Variants in SLC2A13 observed in about 807,000 individuals in gnomAD.
The protein encoded by SLC2A13 is proton myo-inositol cotransporter.
In SLC2A13, 32 loss-of-function variants were observed where a neutral mutation model predicts 64.4. That is an observed-to-expected ratio of 0.50 (90% CI 0.37 to 0.67). SLC2A13 has a LOEUF of 0.67. Among genes scored for constraint, SLC2A13 ranks in the 30% least tolerant of loss-of-function variants. The pLI, the probability that SLC2A13 is intolerant of heterozygous loss-of-function variation, is 0.00. For synonymous variants in SLC2A13, 338 were observed against 327.1 expected (o/e 1.03, Z -0.36); for missense variants, 743 against 829.2 (o/e 0.90, Z 1.28).
rs940423313 is a variant in SLC2A13, at chr12:39,979,319, T to C, written c.926-27954A>G. 2.0e-3 allele frequency among the ~76,000 whole-genome samples: 303 copies of C among 148,818 alleles called. 5 individuals carry two copies. The highest frequency in any genetic ancestry group is 0.019 in the Admixed American group (280 of 14,926). ...TCACCAGCAACGGAACAAAGCTGGATGGAGAATGATTTTGATGAGCTGAGA... is the reference window on the plus strand; with the variant it reads ...TCACCAGCAACGGAACAAAGCTGGACGGAGAATGATTTTGATGAGCTGAGA... On this transcript the variant is annotated intron_variant, in intron 3 of 9. Transcript: ENST00000280871.
intron 3 of SLC2A13, among the ~76,000 whole-genome samples, chr12:39,959,987 C>T (rs1946381307): frequency 1.3e-5 from 2 of 152,140 alleles, no homozygotes; most frequent in Admixed American, 1.3e-4. Flanking sequence ...ACCTGGCCCC[C>T]AGACAGGCCC....
At chr12:39,892,342 G>A (rs1311124800) in intron 4 of SLC2A13, among the ~76,000 whole-genome samples, 1 of 152,106 alleles carries the variant, frequency 6.6e-6, no homozygotes, top group Non-Finnish European at 1.5e-5. Context: ...GTGTGTGTGT[G>A]TTTCTTTATT....
intron 3 of SLC2A13, among the ~76,000 whole-genome samples, chr12:39,979,228 CAG>C (rs1252525631): frequency 8.3e-6 from 1 of 120,172 alleles, no homozygotes; most frequent in Non-Finnish European, 1.8e-5. Context: ...GGGGAAAAAA[CAG>C]AACAGAAAAA....
intron 4 of SLC2A13, among the ~76,000 whole-genome samples, chr12:39,874,708 T>C (rs1944139631): frequency 6.6e-6 from 1 of 151,692 alleles, no homozygotes; most frequent in South Asian, 2.1e-4. Flanking sequence ...TTGAATGTAA[T>C]GCTCTATGTT....
intron 7 of SLC2A13, among the ~76,000 whole-genome samples, chr12:39,796,316 G>T (rs1941573259): frequency 6.6e-6 from 1 of 151,532 alleles, no homozygotes; most frequent in Admixed American, 6.6e-5. Context: ...AATTCTGGGT[G>T]CAGTGGCACA....
chr12:39,988,655 G>A (rs951818207), intron 3 of SLC2A13, among the ~76,000 whole-genome samples: 1 of 109,140 alleles, frequency 9.2e-6, no homozygotes, highest in African/African-American at 3.3e-5. Context: ...GGGAGAAAAG[G>A]AAGGAGGGAG....
intron 4 of SLC2A13, among the ~76,000 whole-genome samples, chr12:39,912,682 C>A (rs1450559068): frequency 6.6e-6 from 1 of 152,012 alleles, no homozygotes; most frequent in Non-Finnish European, 1.5e-5. Context: ...CTGTTCAGTG[C>A]CATCCAGAAA....
intron 2 of SLC2A13, among the ~76,000 whole-genome samples, chr12:40,028,934 G>T (rs1180734381): frequency 6.6e-6 from 1 of 152,052 alleles, no homozygotes; most frequent in South Asian, 2.1e-4. Flanking sequence ...TAAAATAAGT[G>T]CCCAAATTTG....
chr12:39,764,512 A>C lies in SLC2A13; in HGVS notation c.1668T>G (p.Asn556Lys), dbSNP rs781067627. 31 of 1,611,064 alleles carry C rather than the reference A, an allele frequency of 1.9e-5. No individual in the cohort carries two copies. The highest frequency in any genetic ancestry group is 2.5e-5 in the Non-Finnish European group (30 of 1,179,004). Residue 556 changes from asparagine (N) to lysine (K), a missense_variant, in exon 9 of 10, where the codon AAT becomes AAG. Physicochemically the swap from Asn to Lys is moderately conservative, Grantham distance 94. Coordinates refer to ENST00000280871, the MANE Select transcript of SLC2A13 (RefSeq NM_052885.4). Reference protein sequence around the residue: ...ACSSGINWIFNVLVSLTFLHT... With the variant: ...ACSSGINWIFKVLVSLTFLHT... ...GTAAAAATGTTAGTGAAACCAGGAC[A>C]TTGAAAATCCAGTTTATTCCAGATG...
chr12:39,805,937 G>T (rs555072602), intron 7 of SLC2A13, among the ~76,000 whole-genome samples: 7 of 152,308 alleles, frequency 4.6e-5, no homozygotes, highest in African/African-American at 1.4e-4. Context: ...CTAACAGCAA[G>T]AGACAATTAA....
At chr12:40,081,695 A>C (rs1371811398) in intron 1 of SLC2A13, among the ~76,000 whole-genome samples, 4 of 152,194 alleles carry the variant, frequency 2.6e-5, no homozygotes, top group African/African-American at 7.2e-5. Context: ...CAGTGATTTC[A>C]ATCAAGAATC....
chr12:39,784,614 T>TA (rs1303776646), intron 7 of SLC2A13, among the ~76,000 whole-genome samples: 2 of 152,084 alleles, frequency 1.3e-5, no homozygotes, highest in African/African-American at 4.8e-5. Flanking sequence ...CCTAAAACCA[T>TA]AAAAACCCTA....
intron 3 of SLC2A13, among the ~76,000 whole-genome samples, chr12:39,991,196 T>C (rs1311318935): frequency 4.6e-5 from 7 of 152,250 alleles, no homozygotes; most frequent in African/African-American, 7.2e-5. Context: ...CAGTTTCTCA[T>C]AGATAGCAGA....
chr12:39,962,157 T>C (rs1287294541), intron 3 of SLC2A13, among the ~76,000 whole-genome samples: 1 of 152,194 alleles, frequency 6.6e-6, no homozygotes, highest in Non-Finnish European at 1.5e-5. Context: ...AGTGGCATGA[T>C]TTCAGCTCAC....
intron 6 of SLC2A13, among the ~76,000 whole-genome samples, chr12:39,861,041 C>G (rs1035544720): frequency 6.6e-6 from 1 of 152,206 alleles, no homozygotes; most frequent in South Asian, 2.1e-4. Flanking sequence ...TCTTCTCTGA[C>G]CCCATAGTCA....
chr12:39,927,399 T>C (rs1401800612), intron 4 of SLC2A13, among the ~76,000 whole-genome samples: 1 of 152,150 alleles, frequency 6.6e-6, no homozygotes, highest in African/African-American at 2.4e-5. Context: ...AATATAAACA[T>C]ATTAGTCAAA....
chr12:40,084,053 A>G (rs915951106), intron 1 of SLC2A13, among the ~76,000 whole-genome samples: 6 of 152,228 alleles, frequency 3.9e-5, no homozygotes, highest in East Asian at 1.9e-4. Flanking sequence ...GTAAAAGGCA[A>G]TATTAGAATA....
chr12:40,056,520 T>C (rs1286658120), intron 1 of SLC2A13, among the ~76,000 whole-genome samples: 2 of 152,294 alleles, frequency 1.3e-5, no homozygotes, highest in East Asian at 3.9e-4. Context: ...GAAATCAATA[T>C]GCTTTCCCCA....
At chr12:39,806,627 C>A (rs1941986858) in intron 7 of SLC2A13, among the ~76,000 whole-genome samples, 1 of 152,114 alleles carries the variant, frequency 6.6e-6, no homozygotes, top group Admixed American at 6.6e-5. Context: ...CTTCTTCAAG[C>A]AAACTTCCTT....
Sources: allele counts gnomAD v4.1 joint callset (sites outside exome capture counted in the v4.1 genomes callset), GRCh38; gene constraint gnomAD v4.1.1; transcripts MANE v1.5; gene names NCBI Gene and HGNC (gene_info 2026-07-23, HGNC 2026-07-21).